The following RELN variants were observed in gnomAD, a reference collection of about 807,000 sequenced individuals.
The protein encoded by RELN is reelin.
In RELN, 108 loss-of-function variants were observed where a neutral mutation model predicts 427.6. That is an observed-to-expected ratio of 0.25 (90% CI 0.22 to 0.30). The LOEUF (loss-of-function observed/expected upper bound fraction) is 0.30, where lower values mean the gene tolerates loss of function less well. Among genes scored for constraint, RELN ranks in the 10% least tolerant of loss-of-function variants. RELN has a pLI of 1.00. For missense variants in RELN, 3,715 were observed against 4,302.8 expected, an observed-to-expected ratio of 0.86 and a Z score of 3.82; for synonymous variants, 1,524 against 1,513.4, an observed-to-expected ratio of 1.01 and a Z score of -0.16.
At chr7:103,622,177 C>T (rs968750092) in intron 20 of RELN, among the ~76,000 whole-genome samples, 13 of 152,152 alleles carry the variant, frequency 8.5e-5, no homozygotes, top group African/African-American at 2.4e-4. Context: ...GCTATTCAGT[C>T]CAAATGAAAA....
chr7:103,855,563 T>A (rs34356241), intron 2 of RELN, among the ~76,000 whole-genome samples: 21,849 of 152,206 alleles, frequency 0.14, 1,873 homozygotes, highest in East Asian at 0.34. Context: ...AGGATTTTGA[T>A]TTGAATTCCT....
intron 4 of RELN, among the ~76,000 whole-genome samples, chr7:103,756,461 T>C (rs1217305086): frequency 6.6e-6 from 1 of 152,164 alleles, no homozygotes; most frequent in Non-Finnish European, 1.5e-5. Flanking sequence ...GAAGAAGAAA[T>C]AGGCTCCTCA....
At chr7:103,487,914 T>G (rs1231495369) in intron 60 of RELN, among the ~76,000 whole-genome samples, 3 of 151,920 alleles carry the variant, frequency 2.0e-5, no homozygotes, top group Non-Finnish European at 4.4e-5. Flanking sequence ...GAGGCCGAGG[T>G]GGGAAGATCA....
intron 10 of RELN, among the ~76,000 whole-genome samples, chr7:103,696,902 A>G (rs868837783): frequency 6.6e-6 from 1 of 152,174 alleles, no homozygotes; most frequent in Admixed American, 6.6e-5. Context: ...GAGTCTTGCA[A>G]GATCTTCAAG....
chr7:103,801,352 C>T (rs1792460133), intron 3 of RELN, among the ~76,000 whole-genome samples: 1 of 152,104 alleles, frequency 6.6e-6, no homozygotes, highest in Non-Finnish European at 1.5e-5. Flanking sequence ...CAATGATAGA[C>T]TGGATAAAGA....
intron 1 of RELN, among the ~76,000 whole-genome samples, chr7:103,975,692 C>A (rs954920661): frequency 6.6e-6 from 1 of 150,938 alleles, no homozygotes; most frequent in South Asian, 2.1e-4. Flanking sequence ...ACTACAGGCA[C>A]CCGCCACCAC....
At chr7:103,743,732 A>T (rs1790735037) in intron 6 of RELN, among the ~76,000 whole-genome samples, 1 of 152,200 alleles carries the variant, frequency 6.6e-6, no homozygotes, top group Non-Finnish European at 1.5e-5. Context: ...ATATATATGC[A>T]CCCAATACAG....
intron 3 of RELN, among the ~76,000 whole-genome samples, chr7:103,804,313 A>G (rs1447752224): frequency 6.6e-6 from 1 of 152,144 alleles, no homozygotes; most frequent in East Asian, 1.9e-4. Flanking sequence ...ATGAGGATAA[A>G]TCCCAAATGT....
chr7:103,736,508 T>C (rs924646663), intron 6 of RELN, among the ~76,000 whole-genome samples: 2 of 152,218 alleles, frequency 1.3e-5, no homozygotes, highest in Admixed American at 6.5e-5. Flanking sequence ...TAGCTCATTC[T>C]TTCTCATTAC....
Position 103,600,046 on chromosome 7 carries a change from C to T in RELN, c.3333+3258G>A, listed in dbSNP as rs551345075. The stretch of plus-strand genomic sequence containing the variant: ...TGAGTAGTTTGGAGTACAGGCATGC[C>T]CCACTATGCCCAGCTAATTTTATTT... On this transcript the variant is annotated intron_variant, in intron 24 of 64. Coordinates refer to ENST00000428762, the MANE Select transcript of RELN (RefSeq NM_005045.4). Among the ~76,000 whole-genome samples, 21 of 120,260 alleles carry T rather than the reference C, an allele frequency of 1.7e-4. No individual in the cohort carries two copies. In the East Asian group the frequency reaches 3.9e-3, roughly 22 times the overall value. 78.9% of individuals were successfully genotyped at this position (120,260 alleles called of 152,430 possible). A position where few individuals can be genotyped will look rare whatever the true frequency, so the allele number is the denominator to read the frequency against.
At chr7:103,937,483 G>T (rs1471212132) in intron 1 of RELN, among the ~76,000 whole-genome samples, 2 of 152,216 alleles carry the variant, frequency 1.3e-5, no homozygotes, top group Non-Finnish European at 2.9e-5. Flanking sequence ...GGCCCTGGAA[G>T]GCATTTGGAT....
chr7:103,684,053 G>A (rs1833710053), intron 10 of RELN, among the ~76,000 whole-genome samples: 1 of 152,258 alleles, frequency 6.6e-6, no homozygotes, highest in Non-Finnish European at 1.5e-5. Context: ...TGAGCCCATA[G>A]TATACTGGGC....
At chr7:103,829,871 A>C (rs1319845746) in intron 3 of RELN, among the ~76,000 whole-genome samples, 1 of 152,062 alleles carries the variant, frequency 6.6e-6, no homozygotes, top group East Asian at 1.9e-4. Flanking sequence ...GATTTTAAAT[A>C]GGTAACTAGG....
chr7:103,763,419 C>G (rs1055365275), intron 4 of RELN, among the ~76,000 whole-genome samples: 1 of 152,092 alleles, frequency 6.6e-6, no homozygotes, highest in Non-Finnish European at 1.5e-5. Context: ...TCTTCTGGAT[C>G]AAGGGATCCA....
intron 2 of RELN, among the ~76,000 whole-genome samples, chr7:103,882,071 T>C (rs944362969): frequency 6.6e-5 from 10 of 152,202 alleles, no homozygotes; most frequent in Non-Finnish European, 1.3e-4. Flanking sequence ...ATGTATTCTT[T>C]CTACCTTATT....
intron 28 of RELN, among the ~76,000 whole-genome samples, chr7:103,579,424 C>G (rs545814164): frequency 6.6e-6 from 1 of 152,004 alleles, no homozygotes. Context: ...CATGGTGAAA[C>G]CCCATCTCTA....
Position 103,924,991 on chromosome 7 carries a change from TACACACACACACACAC to T in RELN, c.227-7822_227-7807del, listed in dbSNP as rs57662220. Among the ~76,000 whole-genome samples, 315 of 49,096 alleles carry T rather than the reference TACACACACACACACAC, an allele frequency of 6.4e-3. 2 individuals carry two copies. The highest frequency in any genetic ancestry group is 0.018 in the African/African-American group (299 of 16,976). The allele number at this position is 49,096 out of a possible 152,430, so 32.2% of individuals were successfully genotyped here. On this transcript the variant is annotated intron_variant, in intron 1 of 64. Transcript: ENST00000428762. ...ACACACGTGTGCATGCGCATACACA[TACACACACACACACAC>T]ACACACACACACACACACACACACA...
chr7:103,809,958 C>A (rs1584258533), intron 3 of RELN, among the ~76,000 whole-genome samples: 1 of 152,160 alleles, frequency 6.6e-6, no homozygotes, highest in East Asian at 1.9e-4. Context: ...CACTAAAACT[C>A]AAGTTTTCTC....
intron 11 of RELN, among the ~76,000 whole-genome samples, chr7:103,673,713 TCA>T: frequency 6.6e-6 from 1 of 152,234 alleles, no homozygotes; most frequent in Admixed American, 6.5e-5. Flanking sequence ...ATTTTACAAC[TCA>T]CATAATTTTC....
Sources: allele counts gnomAD v4.1 joint callset (sites outside exome capture counted in the v4.1 genomes callset), GRCh38; gene constraint gnomAD v4.1.1; transcripts MANE v1.5; gene names NCBI Gene and HGNC (gene_info 2026-07-23, HGNC 2026-07-21).